WRNIP1: variants seen among roughly 807,000 people sequenced by gnomAD.
WRNIP1 encodes ATPase WRNIP1.
Under a neutral mutation model 56.1 loss-of-function variants are expected in WRNIP1, and 41 were observed. The ratio of observed to expected loss-of-function variants is 0.73; its 90% CI spans 0.57 to 0.95. The LOEUF is 0.95. Among genes scored for constraint, WRNIP1 ranks in the 40% least tolerant of loss-of-function variants. WRNIP1 has a pLI of 0.00. For missense variants in WRNIP1, 1,170 were observed against 939.4 expected (o/e 1.25, Z -3.21); for synonymous variants, 547 against 398.1 (o/e 1.37, Z -4.45).
Position 2,766,324 on chromosome 6 carries a change from C to G in WRNIP1, c.702C>G (p.Asp234Glu). The change falls in exon 1 of 7, where the codon GAC becomes GAG. Residue 234 changes from aspartate (D) to glutamate (E), a missense_variant. Physicochemically the swap from Asp to Glu is conservative, Grantham distance 45. Transcript: ENST00000380773. The stretch of plus-strand genomic sequence containing the variant: ...CGCTGGCCGACACGATGCGTCCTGA[C>G]ACGCTGCAGGATTACTTCGGGCAGA... ...GKPLADTMRP[D>E]TLQDYFGQSK... 6.2e-7 allele frequency: 1 copy of G among 1,610,742 alleles called. No homozygotes were observed. The highest frequency in any genetic ancestry group is 1.7e-5 in the Admixed American group (1 of 59,828).
chr6:2,765,938 G>A lies in WRNIP1; in HGVS notation c.316G>A (p.Glu106Lys). 1 of 1,443,464 alleles carries A rather than the reference G, an allele frequency of 6.9e-7. No homozygotes were observed. The highest frequency in any genetic ancestry group is 2.4e-5 in the Admixed American group (1 of 41,280). The allele number at this position is 1,443,464 out of a possible 1,614,324, so 89.4% of individuals were successfully genotyped here. The stretch of plus-strand genomic sequence containing the variant: ...GGAGGGCGACGACGGCGGCGAGACC[G>A]AGAGCCGCGAGAGCTACGACGCGCC... Reference protein sequence around the residue: ...GEEGDDGGETESRESYDAPPT... With the variant: ...GEEGDDGGETKSRESYDAPPT... Residue 106 changes from glutamate (E) to lysine (K), a missense_variant, in exon 1 of 7, where the codon GAG becomes AAG. Physicochemically the swap from Glu to Lys is moderately conservative, Grantham distance 56 (BLOSUM62 1). Transcript: ENST00000380773.
At chr6:2,781,554 G>A (rs939366151) in intron 4 of WRNIP1, among the ~76,000 whole-genome samples, 3 of 152,164 alleles carry the variant, frequency 2.0e-5, no homozygotes, top group Non-Finnish European at 2.9e-5. Flanking sequence ...CCCCAGAGTT[G>A]TGATTATTTT....
chr6:2,774,387 C>CTCTCT, intron 3 of WRNIP1: 2 of 632,380 alleles, frequency 3.2e-6, no homozygotes, highest in Non-Finnish European at 3.9e-6. Context: ...CAAGGCGATG[C>CTCTCT]TCTCATCCAG....
intron 3 of WRNIP1, 88 bp downstream of exon 3, chr6:2,770,449 G>C: frequency 6.5e-7 from 1 of 1,546,274 alleles, no homozygotes; most frequent in Non-Finnish European, 8.7e-7. Flanking sequence ...GCGTCAGTGA[G>C]GAGAGGGTGG....
intron 4 of WRNIP1, among the ~76,000 whole-genome samples, chr6:2,780,605 C>T (rs976685309): frequency 1.3e-5 from 2 of 152,148 alleles, no homozygotes; most frequent in Admixed American, 6.5e-5. Flanking sequence ...TGGAGCATGA[C>T]GTGAATGCTT....
intron 4 of WRNIP1, among the ~76,000 whole-genome samples, chr6:2,780,321 A>G (rs1230830976): frequency 1.5e-4 from 23 of 152,330 alleles, no homozygotes; most frequent in Admixed American, 1.4e-3. Flanking sequence ...CCACGTGACA[A>G]TGGAGAGTCC....
chr6:2,785,009 G>T lies in WRNIP1; in HGVS notation c.1725G>T (p.Val575=). 2 of 1,613,818 alleles carry T rather than the reference G, an allele frequency of 1.2e-6. No homozygotes were observed. Among genetic ancestry groups the T allele is most frequent in the Non-Finnish European group, 1.7e-6 (2 of 1,179,818 alleles). The change falls in exon 7 of 7, where the codon GTG becomes GTT. Residue 575 remains valine (V), a splice_region_variant and synonymous_variant. Transcript: ENST00000380773. Reference sequence around the variant, plus strand: ...TGTGTCCTCTGTGTCATTGGTAGGTGCTTCTGGCCCAGTGTGTGGTCTACT... The same window carrying T: ...TGTGTCCTCTGTGTCATTGGTAGGTTCTTCTGGCCCAGTGTGTGGTCTACT... ...CHFIGMPECE[V]LLAQCVVYFA...
At chr6:2,777,691 A>G (rs1765465223) in intron 3 of WRNIP1, among the ~76,000 whole-genome samples, 1 of 152,092 alleles carries the variant, frequency 6.6e-6, no homozygotes. Context: ...TGTTCTGTCC[A>G]TCATTATCTT....
Position 2,765,558 on chromosome 6 carries a change from G to A in WRNIP1, c.-65G>A. On this transcript the variant is annotated 5_prime_UTR_variant, in exon 1 of 7. Transcript: ENST00000380773. ...GGCGCGGGGCCTAGCGGAGGGCATC[G>A]AAGGCCTCCGCGTGCGCACGGGTTG... 7.2e-7 allele frequency: 1 copy of A among 1,380,494 alleles called. No homozygotes were observed. Among genetic ancestry groups the A allele is most frequent in the African/African-American group, 1.5e-5 (1 of 65,718 alleles). 85.5% of individuals were successfully genotyped at this position (1,380,494 alleles called of 1,614,324 possible).
intron 1 of WRNIP1, among the ~76,000 whole-genome samples, chr6:2,768,421 CA>C (rs1561908118): frequency 6.6e-6 from 1 of 152,134 alleles, no homozygotes; most frequent in Non-Finnish European, 1.5e-5. Context: ...AAGAGTCACC[CA>C]AAAAGGAATC....
chr6:2,783,014 A>G (rs1178507159), intron 4 of WRNIP1, among the ~76,000 whole-genome samples: 2 of 152,198 alleles, frequency 1.3e-5, no homozygotes, highest in African/African-American at 4.8e-5. Context: ...GGCTCCGAGC[A>G]GGCCCACCGT....
intron 3 of WRNIP1, among the ~76,000 whole-genome samples, chr6:2,778,719 C>T (rs1765487919): frequency 6.6e-6 from 1 of 152,174 alleles, no homozygotes; most frequent in Non-Finnish European, 1.5e-5. Flanking sequence ...CTGCTGTGCT[C>T]AGAGTAACTA....
In WRNIP1 at chr6:2,786,497, C is replaced by T. The variant is rs1160974537; in HGVS notation, c.*1215C>T. ...TTCATCATCACCCTGGAGCTTTCCT[C>T]TGCTTCTCCCTGCACCCCATCTGAT... On this transcript the variant is annotated 3_prime_UTR_variant, in exon 7 of 7. Coordinates refer to ENST00000380773, the MANE Select transcript of WRNIP1 (RefSeq NM_020135.3). The T allele has an allele frequency of 6.6e-6, 1 of 152,456 alleles. No homozygotes were observed. The highest frequency in any genetic ancestry group is 1.5e-5 in the Non-Finnish European group (1 of 68,240). 9.4% of individuals were successfully genotyped at this position (152,456 alleles called of 1,614,324 possible). A position where few individuals can be genotyped will look rare whatever the true frequency, so the allele number is the denominator to read the frequency against.
At position 2,783,575 on chromosome 6, in the gene WRNIP1, G is replaced by A. The variant is rs752227115; in HGVS notation, c.1642+14G>A. 1.3e-6 allele frequency: 2 copies of A among 1,580,698 alleles called. No individual in the cohort carries two copies. The highest frequency in any genetic ancestry group is 1.7e-6 in the Non-Finnish European group (2 of 1,159,982). On this transcript the variant is annotated intron_variant, in intron 5 of 6. Coordinates refer to ENST00000380773, the MANE Select transcript of WRNIP1 (RefSeq NM_020135.3). ...GCGAGGACATAGGTGAGTGTGATGG[G>A]AGGGTCCCGGAGTCCTATGTCCATG...
intron 3 of WRNIP1, among the ~76,000 whole-genome samples, chr6:2,772,617 T>C (rs78789936): frequency 0.01 from 1,570 of 152,198 alleles, 25 homozygotes; most frequent in African/African-American, 0.036. Flanking sequence ...GCAAGCAGAG[T>C]AAAATGAAAG....
At position 2,765,671 on chromosome 6, in the gene WRNIP1, C is replaced by G. The variant is rs1279053843; in HGVS notation, c.49C>G (p.Gln17Glu). ...CGACCCCTTCCTTTCGCAGCTGCAC[C>G]AGGTGCAGTGCCCCGTGTGCCAGCA... ...EDDPFLSQLH[Q>E]VQCPVCQQMM... Residue 17 changes from glutamine (Q) to glutamate (E), a missense_variant, in exon 1 of 7, where the codon CAG (glutamine) becomes GAG (glutamate). Transcript: ENST00000380773. The G allele has an allele frequency of 3.2e-6, 5 of 1,553,084 alleles. No homozygotes were observed. The highest frequency in any genetic ancestry group is 3.5e-6 in the Non-Finnish European group (4 of 1,157,872).
intron 3 of WRNIP1, among the ~76,000 whole-genome samples, chr6:2,771,860 T>G (rs1765292015): frequency 6.6e-6 from 1 of 152,214 alleles, no homozygotes; most frequent in African/African-American, 2.4e-5. Flanking sequence ...CTAACATGTT[T>G]CATGTTTCTG....
At chr6:2,774,341 G>A in intron 3 of WRNIP1, 3 of 945,170 alleles carry the variant, frequency 3.2e-6, no homozygotes, top group Non-Finnish European at 3.8e-6. Context: ...TATCCTCACA[G>A]TTCTGAAAGC....
At chr6:2,781,069 G>A (rs1347475256) in intron 4 of WRNIP1, among the ~76,000 whole-genome samples, 2 of 152,144 alleles carry the variant, frequency 1.3e-5, no homozygotes, top group Admixed American at 1.3e-4. Flanking sequence ...CCCCCCGTCC[G>A]CATTTGCCTC....
Sources: gnomAD v4.1 joint callset for allele counts (sites outside exome capture counted in the v4.1 genomes callset) on GRCh38, gnomAD v4.1.1 for gene constraint, MANE v1.5 for transcripts, NCBI Gene and HGNC (gene_info 2026-07-23, HGNC 2026-07-21) for gene names.